The following EVA1C variants were observed in gnomAD, a reference collection of about 807,000 sequenced individuals.
EVA1C encodes protein eva-1 homolog C.
In EVA1C, 25 loss-of-function variants were observed where a neutral mutation model predicts 45.4. The observed-to-expected ratio is 0.55, with a 90% CI of 0.40 to 0.77. The LOEUF (loss-of-function observed/expected upper bound fraction) is 0.77. Among genes scored for constraint, EVA1C ranks in the 30% least tolerant of loss-of-function variants. EVA1C has a pLI of 0.00. For synonymous variants in EVA1C, 190 were observed against 221.2 expected (o/e 0.86, Z 1.25); for missense variants, 479 against 554.8 (o/e 0.86, Z 1.37).
intron 6 of EVA1C, among the ~76,000 whole-genome samples, chr21:32,501,853 C>T (rs772326874): frequency 2.6e-5 from 4 of 152,096 alleles, no homozygotes; most frequent in Non-Finnish European, 5.9e-5. Flanking sequence ...CCTGCGTAGG[C>T]GCCAGGGCCA....
chr21:32,489,548 G>A (rs2037085450), intron 4 of EVA1C, among the ~76,000 whole-genome samples: 1 of 152,106 alleles, frequency 6.6e-6, no homozygotes, highest in South Asian at 2.1e-4. Flanking sequence ...TTCCAGTTTT[G>A]TTATTTTTGC....
intron 1 of EVA1C, among the ~76,000 whole-genome samples, chr21:32,441,028 G>T (rs371694924): frequency 3.7e-4 from 57 of 152,346 alleles, no homozygotes; most frequent in African/African-American, 1.3e-3. Context: ...CTTGAGTCCA[G>T]AAGGTAGAGG....
intron 2 of EVA1C, among the ~76,000 whole-genome samples, chr21:32,454,601 AT>A (rs35371667): frequency 1.6e-4 from 24 of 149,134 alleles, no homozygotes; most frequent in South Asian, 2.1e-4. Flanking sequence ...TTGGCCTTGG[AT>A]TTTTTTTTTT....
intron 1 of EVA1C, among the ~76,000 whole-genome samples, chr21:32,414,783 GTGATAT>G (rs2033970856): frequency 6.6e-6 from 1 of 152,140 alleles, no homozygotes; most frequent in South Asian, 2.1e-4. Flanking sequence ...GCAGTAGGTG[GTGATAT>G]TGCCACCCAC....
At chr21:32,499,874 G>A (rs1039139474) in intron 5 of EVA1C, among the ~76,000 whole-genome samples, 5 of 152,148 alleles carry the variant, frequency 3.3e-5, no homozygotes, top group African/African-American at 1.2e-4. Context: ...CGGCTGCTTT[G>A]CCTGGGGATT....
chr21:32,421,275 T>G (rs1351310814), intron 1 of EVA1C, among the ~76,000 whole-genome samples: 1 of 152,222 alleles, frequency 6.6e-6, no homozygotes, highest in Non-Finnish European at 1.5e-5. Context: ...ATTTAACAGG[T>G]GCCTGAGCGC....
At chr21:32,454,169 C>T (rs543990894) in intron 2 of EVA1C, among the ~76,000 whole-genome samples, 1 of 152,234 alleles carries the variant, frequency 6.6e-6, no homozygotes, top group African/African-American at 2.4e-5. Context: ...GCGGAGGTTG[C>T]AGTAAGCTGA....
At chr21:32,472,414 C>T (rs1188612111) in intron 4 of EVA1C, among the ~76,000 whole-genome samples, 1 of 152,168 alleles carries the variant, frequency 6.6e-6, no homozygotes, top group Admixed American at 6.5e-5. Flanking sequence ...CCGCCTTGGC[C>T]TCCCCAAAGT....
At chr21:32,505,494 GC>G (rs1471766452) in intron 7 of EVA1C, among the ~76,000 whole-genome samples, 1 of 152,198 alleles carries the variant, frequency 6.6e-6, no homozygotes, top group Non-Finnish European at 1.5e-5. Context: ...GACCGACATT[GC>G]GCTCAGTGAG....
chr21:32,461,887 C>A (rs943970631), intron 3 of EVA1C, among the ~76,000 whole-genome samples: 1 of 152,304 alleles, frequency 6.6e-6, no homozygotes, highest in East Asian at 1.9e-4. Flanking sequence ...TTCCTTTCTG[C>A]TGCATATCGT....
chr21:32,489,043 G>A (rs145663532), intron 4 of EVA1C, among the ~76,000 whole-genome samples: 207 of 152,230 alleles, frequency 1.4e-3, no homozygotes, highest in Non-Finnish European at 2.3e-3. Context: ...ATATTTTCTC[G>A]CAATCTGTAG....
chr21:32,412,608 T>A (rs1328585147), upstream of EVA1C: 2 of 388,762 alleles, frequency 5.1e-6, no homozygotes, highest in Admixed American at 4.6e-5. Flanking sequence ...AGATTTCCTC[T>A]CGGGGAAACT....
chr21:32,494,781 C>CAAAA lies in EVA1C; in HGVS notation c.635-234_635-231dup, dbSNP rs3056335. Among the ~76,000 whole-genome samples, 408 of 139,308 alleles carry CAAAA rather than the reference C, an allele frequency of 2.9e-3. 3 individuals carry two copies. Among genetic ancestry groups the CAAAA allele is most frequent in the East Asian group, 7.0e-3 (34 of 4,856 alleles). 91.4% of individuals were successfully genotyped at this position (139,308 alleles called of 152,430 possible). On this transcript the variant is annotated intron_variant, in intron 4 of 7. Coordinates refer to ENST00000300255, the MANE Select transcript of EVA1C (RefSeq NM_058187.5). ...TGGGCGACAGAACAAGAATCAGTTTCAAAAAAAAAAAAAAATTCAAGATGG... is the reference window on the plus strand; with the variant it reads ...TGGGCGACAGAACAAGAATCAGTTTCAAAAAAAAAAAAAAAAAAATTCAAGATGG...
In EVA1C at chr21:32,467,805, A is replaced by G. The variant is rs2036227819; in HGVS notation, c.591A>G (p.Glu197=). Residue 197 remains glutamate (E), a synonymous_variant, in exon 4 of 8, where the codon GAA becomes GAG. Transcript: ENST00000300255. ...YSATYGRRTQ[E]RDICSSKAER... Reference sequence around the variant, plus strand: ...CGACCTACGGCAGGAGGACCCAGGAAAGGGACATCTGCTCCTCCAAGGCAG... The same window carrying G: ...CGACCTACGGCAGGAGGACCCAGGAGAGGGACATCTGCTCCTCCAAGGCAG... The G allele has an allele frequency of 6.2e-7, 1 of 1,612,724 alleles. No individual in the cohort carries two copies. The highest frequency in any genetic ancestry group is 1.3e-5 in the African/African-American group (1 of 74,786).
chr21:32,500,732 T>C (rs2037501040), intron 5 of EVA1C, among the ~76,000 whole-genome samples: 1 of 152,008 alleles, frequency 6.6e-6, no homozygotes, highest in African/African-American at 2.4e-5. Flanking sequence ...GTTTTGTGTG[T>C]GTGTGTGCGT....
intron 4 of EVA1C, among the ~76,000 whole-genome samples, chr21:32,481,043 G>C (rs1037869074): frequency 6.6e-6 from 1 of 152,116 alleles, no homozygotes; most frequent in African/African-American, 2.4e-5. Context: ...ACAGAAAAGT[G>C]ACTAGGAAGA....
At chr21:32,419,320 C>T (rs1435441757) in intron 1 of EVA1C, among the ~76,000 whole-genome samples, 1 of 152,118 alleles carries the variant, frequency 6.6e-6, no homozygotes, top group African/African-American at 2.4e-5. Context: ...CCCTCGTTAC[C>T]CACCCCTATT....
chr21:32,432,871 C>A (rs756467585), intron 1 of EVA1C, among the ~76,000 whole-genome samples: 2 of 152,000 alleles, frequency 1.3e-5, no homozygotes, highest in Non-Finnish European at 2.9e-5. Context: ...CAGGTGTGCA[C>A]CACTGCATGT....
intron 6 of EVA1C, among the ~76,000 whole-genome samples, chr21:32,502,008 CTT>C (rs1204375565): frequency 8.4e-5 from 10 of 118,768 alleles, no homozygotes; most frequent in African/African-American, 3.3e-4. Context: ...TTCTTTCTTT[CTT>C]TCTTTCTTTC....
Sources: gnomAD v4.1 joint callset for allele counts (sites outside exome capture counted in the v4.1 genomes callset) on GRCh38, gnomAD v4.1.1 for gene constraint, MANE v1.5 for transcripts, NCBI Gene and HGNC (gene_info 2026-07-23, HGNC 2026-07-21) for gene names.